ZDHHC2: variants seen among roughly 807,000 people sequenced by gnomAD.
ZDHHC2 encodes palmitoyltransferase ZDHHC2.
ZDHHC2 carries 51 observed loss-of-function variants against 55.6 expected under a neutral mutation model. The ratio of observed to expected loss-of-function variants is 0.92; its 90% CI spans 0.73 to 1.16. The LOEUF is 1.16. ZDHHC2 is among the 50% of genes most tolerant of loss of function. The pLI is 0.00. For synonymous variants in ZDHHC2, 199 were observed against 152.9 expected (o/e 1.30, Z -2.22); for missense variants, 491 against 442.4 (o/e 1.11, Z -0.99).
At chr8:17,158,605 A>C (rs886460463) in intron 1 of ZDHHC2, among the ~76,000 whole-genome samples, 1 of 152,236 alleles carries the variant, frequency 6.6e-6, no homozygotes, top group Non-Finnish European at 1.5e-5. Flanking sequence ...AATTGGTATT[A>C]TATCTGAATC....
intron 1 of ZDHHC2, among the ~76,000 whole-genome samples, chr8:17,166,678 G>T (rs1804614523): frequency 6.6e-6 from 1 of 152,162 alleles, no homozygotes; most frequent in Non-Finnish European, 1.5e-5. Flanking sequence ...CAGCAAAGAA[G>T]ACTGAGAAGG....
chr8:17,172,278 A>C (rs889172270), intron 1 of ZDHHC2, among the ~76,000 whole-genome samples: 4 of 152,224 alleles, frequency 2.6e-5, no homozygotes, highest in Non-Finnish European at 4.4e-5. Flanking sequence ...ACTGAGCGTT[A>C]GCTCTCTCTT....
At chr8:17,209,053 C>G (rs1197400157) in intron 8 of ZDHHC2, among the ~76,000 whole-genome samples, 1 of 152,018 alleles carries the variant, frequency 6.6e-6, no homozygotes, top group Non-Finnish European at 1.5e-5. Context: ...ATTCCAAAAA[C>G]AACATTTTAC....
intron 10 of ZDHHC2, among the ~76,000 whole-genome samples, chr8:17,210,889 G>C (rs1235550183): frequency 6.6e-6 from 1 of 152,048 alleles, no homozygotes; most frequent in Non-Finnish European, 1.5e-5. Context: ...GAGGCTTTTG[G>C]AGATCAAATG....
Position 17,198,867 on chromosome 8 carries a change from C to G in ZDHHC2, c.476+454C>G, listed in dbSNP as rs893272950. Among the ~76,000 whole-genome samples the G allele has an allele frequency of 1.3e-4, 20 of 152,254 alleles. No homozygotes were observed. The East Asian group carries it at 3.3e-3, about 25-fold the overall frequency. On this transcript the variant is annotated intron_variant, in intron 6 of 12. Transcript: ENST00000262096. ...ACAACTACACAGATATACAAATGCA[C>G]ACATAAATTTAAACAAGATTTTCCA...
chr8:17,223,434 T>C lies in ZDHHC2; in HGVS notation c.*3213T>C, dbSNP rs1255543450. ...GGATTTTTCACAAATAACACGTGTT[T>C]AATATCTTTCTGCAGAAACGTGTTC... On this transcript the variant is annotated 3_prime_UTR_variant, in exon 13 of 13. Coordinates refer to ENST00000262096, the MANE Select transcript of ZDHHC2 (RefSeq NM_016353.5). 6.6e-6 allele frequency: 1 copy of C among 151,914 alleles called. No homozygotes were observed. The highest frequency in any genetic ancestry group is 2.4e-5 in the African/African-American group (1 of 41,450). 9.4% of individuals were successfully genotyped at this position (151,914 alleles called of 1,614,324 possible).
At position 17,174,791 on chromosome 8, in the gene ZDHHC2, G is replaced by A. The variant is rs571716162; in HGVS notation, c.131-9998G>A. On this transcript the variant is annotated intron_variant, in intron 1 of 12. Coordinates refer to ENST00000262096, the MANE Select transcript of ZDHHC2 (RefSeq NM_016353.5). ...AGTGGCACTATCTCAGCTCACTGCA[G>A]CCTCCGCCTCCTGGGCTCAAGGGAT... Among the ~76,000 whole-genome samples the A allele has an allele frequency of 2.1e-5, 3 of 141,076 alleles. No individual in the cohort carries two copies. The South Asian group carries it at 6.9e-4, about 33-fold the overall frequency. 92.6% of individuals were successfully genotyped at this position (141,076 alleles called of 152,430 possible).
rs1284279686 is a variant in ZDHHC2, at chr8:17,223,453, C to T, written c.*3232C>T. 4 of 151,870 alleles carry T rather than the reference C, an allele frequency of 2.6e-5. No homozygotes were observed. The highest frequency in any genetic ancestry group is 1.9e-4 in the East Asian group (1 of 5,200). 9.4% of individuals were successfully genotyped at this position (151,870 alleles called of 1,614,324 possible). On this transcript the variant is annotated 3_prime_UTR_variant, in exon 13 of 13. Transcript: ENST00000262096. ...CGTGTTTAATATCTTTCTGCAGAAACGTGTTCTTCTAAAGCAGAAAACCAC... is the reference window on the plus strand; with the variant it reads ...CGTGTTTAATATCTTTCTGCAGAAATGTGTTCTTCTAAAGCAGAAAACCAC...
At chr8:17,207,614 T>C (rs1344157793) in intron 7 of ZDHHC2, among the ~76,000 whole-genome samples, 2 of 152,166 alleles carry the variant, frequency 1.3e-5, no homozygotes, top group African/African-American at 4.8e-5. Flanking sequence ...TAACAAAACA[T>C]ACTCCGTTAA....
At chr8:17,164,987 A>C (rs983355444) in intron 1 of ZDHHC2, among the ~76,000 whole-genome samples, 1 of 152,202 alleles carries the variant, frequency 6.6e-6, no homozygotes, top group Non-Finnish European at 1.5e-5. Context: ...CAAAGAGCTG[A>C]ATCAAGGTAT....
At chr8:17,181,568 T>A (rs1278258726) in intron 1 of ZDHHC2, among the ~76,000 whole-genome samples, 1 of 152,172 alleles carries the variant, frequency 6.6e-6, no homozygotes, top group East Asian at 1.9e-4. Flanking sequence ...CACTTGAAAT[T>A]TCTCTATGGT....
chr8:17,199,361 T>C (rs912800544), intron 6 of ZDHHC2, among the ~76,000 whole-genome samples: 19 of 152,050 alleles, frequency 1.2e-4, no homozygotes, highest in Non-Finnish European at 2.2e-4. Context: ...GCCCCCTTCG[T>C]ACTAATTGAT....
In ZDHHC2 at chr8:17,178,534, C is replaced by T. The variant is rs991775031; in HGVS notation, c.131-6255C>T. 6.6e-5 allele frequency among the ~76,000 whole-genome samples: 10 copies of T among 152,276 alleles called. No individual in the cohort carries two copies. In the East Asian group the frequency reaches 1.9e-3, roughly 29 times the overall value. ...GCAGTCCATACTTTCCCTGTCTCAG[C>T]TACCTAACTCTGTCATTGTAGCACA... On this transcript the variant is annotated intron_variant, in intron 1 of 12. Coordinates refer to ENST00000262096, the MANE Select transcript of ZDHHC2 (RefSeq NM_016353.5).
At chr8:17,206,147 T>A (rs1464749841) in intron 7 of ZDHHC2, among the ~76,000 whole-genome samples, 1 of 152,136 alleles carries the variant, frequency 6.6e-6, no homozygotes, top group Non-Finnish European at 1.5e-5. Flanking sequence ...TTTTGTGCTT[T>A]TTGTTGGTGA....
intron 1 of ZDHHC2, among the ~76,000 whole-genome samples, chr8:17,165,818 A>C (rs1310141810): frequency 6.6e-6 from 1 of 152,250 alleles, no homozygotes; most frequent in Non-Finnish European, 1.5e-5. Flanking sequence ...AGAAGAACTC[A>C]TGAAATTTAA....
rs144592213 is a variant in ZDHHC2 at position 17,184,809 on chromosome 8, G to C, written c.151G>C (p.Glu51Gln). Residue 51 changes from glutamate (E) to glutamine (Q), a missense_variant, in exon 2 of 13, where the codon GAA becomes CAA. Transcript: ENST00000262096. ...LCIVSMENTGEQVVCLMAYHL... is the reference protein window; with the variant it reads ...LCIVSMENTGQQVVCLMAYHL... ...TACAGTGTCCATGGAAAACACTGGC[G>C]AACAAGGTAAGCTAGATTATATTAA... 32 of 1,549,068 alleles carry C rather than the reference G, an allele frequency of 2.1e-5. No individual in the cohort carries two copies. The African/African-American group carries it at 2.2e-4, about 11-fold the overall frequency.
Position 17,220,254 on chromosome 8 carries a change from A to G in ZDHHC2, c.*35-2A>G, listed in dbSNP as rs1229117674. Reference sequence around the variant, plus strand: ...GTTTCATGTTTTCTGTTTCATTTCAAGGTATCAATGCTGTAGATGGATGGA... The same window carrying G: ...GTTTCATGTTTTCTGTTTCATTTCAGGGTATCAATGCTGTAGATGGATGGA... On this transcript the variant is annotated splice_acceptor_variant, in intron 12 of 12. Transcript: ENST00000262096. LOFTEE classifies it low-confidence loss of function (3UTR_SPLICE). 3 of 152,206 alleles carry G rather than the reference A, an allele frequency of 2.0e-5. No individual in the cohort carries two copies. The highest frequency in any genetic ancestry group is 7.2e-5 in the African/African-American group (3 of 41,450). 9.4% of individuals were successfully genotyped at this position (152,206 alleles called of 1,614,324 possible). A position where few individuals can be genotyped will look rare whatever the true frequency, so the allele number is the denominator to read the frequency against.
chr8:17,165,244 A>G (rs144386766), intron 1 of ZDHHC2, among the ~76,000 whole-genome samples: 187 of 152,346 alleles, frequency 1.2e-3, no homozygotes, highest in African/African-American at 4.2e-3. Context: ...CAAGTTTACT[A>G]CTAAGTGGGC....
Position 17,201,788 on chromosome 8 carries a change from G to A in ZDHHC2, c.476+3375G>A, listed in dbSNP as rs1172248587. ...TAGGATTACAGGCATGAGCCAACGC[G>A]CCCGGCCAGGGCAGCTTTTTTATAC... On this transcript the variant is annotated intron_variant, in intron 6 of 12. Transcript: ENST00000262096. Among the ~76,000 whole-genome samples, 9 of 151,520 alleles carry A rather than the reference G, an allele frequency of 5.9e-5. 1 individual carries two copies. Among genetic ancestry groups the A allele is most frequent in the Admixed American group, 4.6e-4 (7 of 15,172 alleles).
Sources: allele counts gnomAD v4.1 joint callset (sites outside exome capture counted in the v4.1 genomes callset), GRCh38; gene constraint gnomAD v4.1.1; transcripts MANE v1.5; gene names NCBI Gene and HGNC (gene_info 2026-07-23, HGNC 2026-07-21).